Variants in UTRN observed in about 807,000 individuals in gnomAD.
The protein encoded by UTRN is utrophin.
UTRN carries 283 observed loss-of-function variants against 463.9 expected under a neutral mutation model. That is an observed-to-expected ratio of 0.61 (90% CI 0.55 to 0.67). The LOEUF is 0.67. UTRN is among the 30% of genes least tolerant of loss of function. The pLI, the probability that UTRN is intolerant of heterozygous loss-of-function variation, is 0.00. For missense variants in UTRN, 3,922 were observed against 4,084.3 expected (o/e 0.96, Z 1.08); for synonymous variants, 1,442 against 1,431.5 (o/e 1.01, Z -0.17).
chr6:144,477,530 T>TTA (rs1227286729), intron 25 of UTRN, among the ~76,000 whole-genome samples: 1 of 136,534 alleles, frequency 7.3e-6, no homozygotes, highest in Non-Finnish European at 1.6e-5. Context: ...GCCTTTCTCT[T>TTA]TATACACACA....
At chr6:144,827,782 TG>T (rs1172012289) in intron 68 of UTRN, 106 bp downstream of exon 68, 12 of 1,339,682 alleles carry the variant, frequency 9.0e-6, no homozygotes, top group Non-Finnish European at 1.1e-5. Flanking sequence ...AATGCAGTTT[TG>T]CAGGAGTTAT....
intron 68 of UTRN, among the ~76,000 whole-genome samples, chr6:144,828,581 C>T (rs374106757): frequency 6.6e-6 from 1 of 151,978 alleles, no homozygotes; most frequent in Non-Finnish European, 1.5e-5. Flanking sequence ...TACAACATGG[C>T]GTAAGATAAA....
At chr6:144,748,838 C>T (rs1187258793) in intron 55 of UTRN, among the ~76,000 whole-genome samples, 1 of 152,008 alleles carries the variant, frequency 6.6e-6, no homozygotes, top group Non-Finnish European at 1.5e-5. Flanking sequence ...CCCAGATTTC[C>T]CCTCTCTTCC....
chr6:144,535,684 G>A (rs962434086), intron 43 of UTRN, among the ~76,000 whole-genome samples: 2 of 152,200 alleles, frequency 1.3e-5, no homozygotes, highest in African/African-American at 2.4e-5. Flanking sequence ...TATATATGTT[G>A]TTAACAAAGT....
chr6:144,659,676 A>G (rs1049884406), intron 51 of UTRN, among the ~76,000 whole-genome samples: 4 of 147,036 alleles, frequency 2.7e-5, no homozygotes, highest in African/African-American at 8.0e-5. Flanking sequence ...TTCGAACTCT[A>G]CATAAGTCAT....
chr6:144,783,822 T>C (rs1458105540), intron 61 of UTRN, among the ~76,000 whole-genome samples: 2 of 152,236 alleles, frequency 1.3e-5, no homozygotes, highest in African/African-American at 4.8e-5. Context: ...CACTGTGTGC[T>C]TGAGGGCTCT....
At chr6:144,565,071 G>A (rs1427545198) in intron 50 of UTRN, among the ~76,000 whole-genome samples, 2 of 152,180 alleles carry the variant, frequency 1.3e-5, no homozygotes, top group African/African-American at 4.8e-5. Flanking sequence ...GGTGGTCCCC[G>A]TGGCTACTGT....
chr6:144,677,629 C>T (rs1562751311), intron 51 of UTRN, among the ~76,000 whole-genome samples: 1 of 151,982 alleles, frequency 6.6e-6, no homozygotes, highest in Admixed American at 6.6e-5. Context: ...GGGTATATAC[C>T]CAGTAATGGG....
chr6:144,558,528 T>C (rs962173292), intron 50 of UTRN, among the ~76,000 whole-genome samples: 2 of 152,144 alleles, frequency 1.3e-5, no homozygotes, highest in East Asian at 3.9e-4. Context: ...ATATACCTAA[T>C]GTTAAATGTG....
chr6:144,319,149 T>C (rs1389365996), intron 2 of UTRN, among the ~76,000 whole-genome samples: 2 of 152,204 alleles, frequency 1.3e-5, no homozygotes, highest in Admixed American at 1.3e-4. Context: ...TTAGGTTTTT[T>C]TTTTTCCTCA....
chr6:144,439,212 G>T (rs181281023), intron 12 of UTRN, among the ~76,000 whole-genome samples: 1 of 152,294 alleles, frequency 6.6e-6, no homozygotes, highest in East Asian at 1.9e-4. Flanking sequence ...ATGGTGTGTG[G>T]GTGAAGAGCA....
intron 70 of UTRN, 118 bp from the exon 71 acceptor site, chr6:144,836,183 T>C (rs1586771109): frequency 6.9e-7 from 1 of 1,451,226 alleles, no homozygotes; most frequent in South Asian, 1.3e-5. Flanking sequence ...ATCCTGCTAT[T>C]AATACACATT....
intron 51 of UTRN, among the ~76,000 whole-genome samples, chr6:144,620,442 G>GA (rs145804508): frequency 0.14 from 21,947 of 151,718 alleles, 2,048 homozygotes; most frequent in South Asian, 0.31. Flanking sequence ...AAATCACTTT[G>GA]AAAAAAAGCA....
chr6:144,766,592 G>A (rs571353076), intron 58 of UTRN, among the ~76,000 whole-genome samples: 6 of 152,062 alleles, frequency 3.9e-5, no homozygotes, highest in African/African-American at 1.4e-4. Context: ...CACTCCACTT[G>A]GCACCATGGA....
chr6:144,843,995 G>A (rs1328011296), intron 73 of UTRN, among the ~76,000 whole-genome samples: 1 of 152,088 alleles, frequency 6.6e-6, no homozygotes, highest in African/African-American at 2.4e-5. Flanking sequence ...GCACATCCAT[G>A]TATGAAATGA....
chr6:144,818,991 C>A (rs1369645691), intron 65 of UTRN, among the ~76,000 whole-genome samples: 1 of 150,006 alleles, frequency 6.7e-6, no homozygotes, highest in South Asian at 2.1e-4. Context: ...TCCTTGAATT[C>A]TTTTTCTTTT....
At chr6:144,780,691 G>T (rs1775750607) in intron 60 of UTRN, among the ~76,000 whole-genome samples, 1 of 151,972 alleles carries the variant, frequency 6.6e-6, no homozygotes, top group South Asian at 2.1e-4. Context: ...TCCTCCTTCG[G>T]GCCTTTGCGG....
rs1280223603 is a variant in UTRN at position 144,491,025 on chromosome 6, G to A, written c.4360G>A (p.Val1454Met). 12 of 1,613,848 alleles carry A rather than the reference G, an allele frequency of 7.4e-6. No homozygotes were observed. Among genetic ancestry groups the A allele is most frequent in the South Asian group, 3.3e-5 (3 of 91,046 alleles). ...GGACTGCAAGCGTGTGCTGGATGGC[G>A]TGAAAGCAGAACTTCACGTTCTGGA... ...MLDCKRVLDG[V>M]KAELHVLDVK... is the part of the protein sequence containing the mutation. The change falls in exon 32 of 75, where the codon GTG (valine) becomes ATG (methionine). Residue 1454 changes from valine (V) to methionine (M), a missense_variant. Val to Met is a conservative substitution (Grantham distance 21). Around this residue, in one of 3 missense-constraint regions of UTRN, gnomAD observed 2,349 missense variants for 2,303.8 expected, o/e 1.02. Transcript: ENST00000367545.
chr6:144,637,491 T>C (rs890074524), intron 51 of UTRN, among the ~76,000 whole-genome samples: 5 of 152,064 alleles, frequency 3.3e-5, no homozygotes, highest in African/African-American at 1.2e-4. Flanking sequence ...AGAGCAACTA[T>C]AGTAGTAGAT....
Sources: allele counts gnomAD v4.1 joint callset (sites outside exome capture counted in the v4.1 genomes callset), GRCh38; gene constraint gnomAD v4.1.1; regional missense constraint gnomAD v4.1.1; transcripts MANE v1.5; gene names NCBI Gene and HGNC (gene_info 2026-07-23, HGNC 2026-07-21).